The following BMPR1B variants were observed in gnomAD, a reference collection of about 807,000 sequenced individuals.
The protein encoded by BMPR1B is bone morphogenetic protein receptor type 1B, also known as bone morphogenetic protein receptor type-1B.
In BMPR1B, 12 loss-of-function variants were observed where a neutral mutation model predicts 59.1. The ratio of observed to expected loss-of-function variants is 0.20; its 90% CI spans 0.13 to 0.33. The LOEUF (loss-of-function observed/expected upper bound fraction) is 0.33. Ranked by LOEUF, BMPR1B falls within the 10% of genes least tolerant of loss-of-function variation. The probability of loss-of-function intolerance (pLI) is 1.00; values close to 1 mark genes in which losing one functional copy is unlikely to be tolerated. For missense variants in BMPR1B, 550 were observed against 610.9 expected, an observed-to-expected ratio of 0.90 and a Z score of 1.05; for synonymous variants, 237 against 207.3, an observed-to-expected ratio of 1.14 and a Z score of -1.23.
intron 2 of BMPR1B, among the ~76,000 whole-genome samples, chr4:94,952,870 G>T (rs1252997453): frequency 6.6e-6 from 1 of 152,020 alleles, no homozygotes; most frequent in Non-Finnish European, 1.5e-5. Flanking sequence ...GTTAAACTCT[G>T]CCACTATTAT....
intron 10 of BMPR1B, among the ~76,000 whole-genome samples, chr4:95,140,442 C>T (rs1035439560): frequency 3.3e-5 from 5 of 152,100 alleles, no homozygotes; most frequent in African/African-American, 7.2e-5. Flanking sequence ...TGAATTTTCT[C>T]CTTATATATT....
intron 10 of BMPR1B, among the ~76,000 whole-genome samples, chr4:95,144,460 T>C (rs911561119): frequency 6.8e-6 from 1 of 146,174 alleles, no homozygotes; most frequent in Non-Finnish European, 1.5e-5. Context: ...ATTACAGGCA[T>C]GAACCACCAC....
chr4:95,097,128 AT>A (rs1317756890), intron 3 of BMPR1B, among the ~76,000 whole-genome samples: 6 of 69,096 alleles, frequency 8.7e-5, no homozygotes, highest in Admixed American at 1.5e-4. Flanking sequence ...TTATATATTA[AT>A]TTATATATAA....
At chr4:95,129,799 A>T (rs1733181468) in intron 8 of BMPR1B, 63 bp from the exon 9 acceptor site, 1 of 1,547,064 alleles carries the variant, frequency 6.5e-7, no homozygotes, top group East Asian at 2.2e-5. Context: ...CTCTGGAGAA[A>T]AAAAGATTAA....
intron 1 of BMPR1B, among the ~76,000 whole-genome samples, chr4:94,812,299 A>C (rs893334545): frequency 1.3e-5 from 2 of 152,188 alleles, no homozygotes; most frequent in African/African-American, 4.8e-5. Context: ...AATATAACAT[A>C]TCCACTTGGC....
At chr4:94,937,358 A>G (rs1729350322) in intron 2 of BMPR1B, among the ~76,000 whole-genome samples, 1 of 152,096 alleles carries the variant, frequency 6.6e-6, no homozygotes, top group Non-Finnish European at 1.5e-5. Flanking sequence ...TTTGATTCTC[A>G]GTATACCCCT....
At chr4:95,076,681 T>C (rs1728737463) in intron 3 of BMPR1B, among the ~76,000 whole-genome samples, 1 of 152,090 alleles carries the variant, frequency 6.6e-6, no homozygotes, top group Admixed American at 6.6e-5. Context: ...TGTAAATAAA[T>C]TATGCTACTT....
chr4:95,103,141 CAT>C (rs1333027696), intron 3 of BMPR1B, among the ~76,000 whole-genome samples: 4 of 151,588 alleles, frequency 2.6e-5, no homozygotes, highest in Non-Finnish European at 5.9e-5. Flanking sequence ...ATATTGACAA[CAT>C]ATTTTATTGC....
chr4:95,075,641 G>C (rs1266368578), intron 3 of BMPR1B, among the ~76,000 whole-genome samples: 2 of 152,152 alleles, frequency 1.3e-5, no homozygotes, highest in African/African-American at 4.8e-5. Flanking sequence ...TAGGCACTCA[G>C]ATACAGTGGT....
chr4:95,034,684 G>C (rs1437669841), intron 3 of BMPR1B, among the ~76,000 whole-genome samples: 1 of 151,724 alleles, frequency 6.6e-6, no homozygotes, highest in Non-Finnish European at 1.5e-5. Flanking sequence ...TGGTTGATGG[G>C]CATTTGGGCT....
intron 7 of BMPR1B, among the ~76,000 whole-genome samples, chr4:95,124,462 C>A (rs942410851): frequency 6.6e-6 from 1 of 151,844 alleles, no homozygotes; most frequent in African/African-American, 2.4e-5. Context: ...AGATACTCTG[C>A]AAATGGTCAG....
chr4:95,118,225 T>G (rs1732213820), intron 6 of BMPR1B, among the ~76,000 whole-genome samples: 1 of 152,178 alleles, frequency 6.6e-6, no homozygotes, highest in African/African-American at 2.4e-5. Context: ...CTTACCTTTT[T>G]GGGCCAGCTG....
chr4:94,925,558 T>A (rs1374168990), intron 2 of BMPR1B, among the ~76,000 whole-genome samples: 2 of 152,162 alleles, frequency 1.3e-5, no homozygotes, highest in Non-Finnish European at 2.9e-5. Flanking sequence ...AACTCACTAT[T>A]TGTGAATTTC....
intron 1 of BMPR1B, among the ~76,000 whole-genome samples, chr4:94,782,347 C>T (rs1426137804): frequency 1.3e-5 from 2 of 151,174 alleles, no homozygotes; most frequent in Non-Finnish European, 2.9e-5. Flanking sequence ...TTTTTGTCAC[C>T]CAGGCTGGAG....
intron 3 of BMPR1B, among the ~76,000 whole-genome samples, chr4:95,038,641 A>G (rs952443580): frequency 3.3e-5 from 5 of 152,226 alleles, no homozygotes; most frequent in African/African-American, 1.2e-4. Context: ...GATTATACAC[A>G]TACCATTTTA....
chr4:94,998,698 A>G (rs770603731), intron 3 of BMPR1B, among the ~76,000 whole-genome samples: 18 of 152,054 alleles, frequency 1.2e-4, no homozygotes, highest in East Asian at 3.9e-4. Flanking sequence ...AGAAGGGTCA[A>G]TCTTCCACCC....
chr4:94,805,028 T>G (rs1723554158), intron 1 of BMPR1B, among the ~76,000 whole-genome samples: 1 of 152,180 alleles, frequency 6.6e-6, no homozygotes, highest in African/African-American at 2.4e-5. Flanking sequence ...CTAATAGAAC[T>G]TACTTTAGAG....
rs1284547979 is a variant in BMPR1B, at chr4:94,962,063, TTTCTTTTCTTTCCTTCCTTCCTTCC to T, written c.-112-33973_-112-33949del. Among the ~76,000 whole-genome samples the T allele has an allele frequency of 3.5e-4, 51 of 146,712 alleles. 1 individual carries two copies. The highest frequency in any genetic ancestry group is 1.3e-3 in the African/African-American group (49 of 37,704). ...TTTTATTCTTTCTTTCTTTCTTTTC[TTTCTTTTCTTTCCTTCCTTCCTTCC>T]TTCCTTCCTTCCTTCCTTCCTTCCT... On this transcript the variant is annotated intron_variant, in intron 2 of 12. Coordinates refer to ENST00000515059, the MANE Select transcript of BMPR1B (RefSeq NM_001203.3).
At chr4:94,866,671 G>A (rs971365106) in intron 1 of BMPR1B, among the ~76,000 whole-genome samples, 1 of 151,982 alleles carries the variant, frequency 6.6e-6, no homozygotes, top group African/African-American at 2.4e-5. Flanking sequence ...TGCAACCTCC[G>A]ACTCCCTGGT....
Sources: gnomAD v4.1 joint callset for allele counts (sites outside exome capture counted in the v4.1 genomes callset) on GRCh38, gnomAD v4.1.1 for gene constraint, MANE v1.5 for transcripts, NCBI Gene and HGNC (gene_info 2026-07-23, HGNC 2026-07-21) for gene names.